The following THOC6 variants were observed in gnomAD, a reference collection of about 807,000 sequenced individuals.
THOC6 encodes the protein THO complex subunit 6.
THOC6 carries 39 observed loss-of-function variants against 55.8 expected under a neutral mutation model. The ratio of observed to expected loss-of-function variants is 0.70; its 90% CI spans 0.54 to 0.91. THOC6 has a LOEUF of 0.91. Ranked by LOEUF, THOC6 falls within the 40% of genes least tolerant of loss-of-function variation. The pLI is 0.00. For synonymous variants in THOC6, 192 were observed against 175.6 expected, an observed-to-expected ratio of 1.09 and a Z score of -0.74; for missense variants, 482 against 442.0, an observed-to-expected ratio of 1.09 and a Z score of -0.81.
rs1433657714 is a variant in THOC6, at chr16:3,024,252, GGAACCGCTCTAGGCAC to G, written c.-73_-58del. ...CGAAGGCGGTAGGGCGCCACGGAGA[GGAACCGCTCTAGGCAC>G]GTAAGGCCTCGTGAGGTTGCGTCGC... On this transcript the variant is annotated 5_prime_UTR_variant, in exon 1 of 13. Coordinates refer to ENST00000326266, the MANE Select transcript of THOC6 (RefSeq NM_024339.5). The G allele has an allele frequency of 1.9e-6, 3 of 1,596,030 alleles. No homozygotes were observed. Among genetic ancestry groups the G allele is most frequent in the African/African-American group, 2.7e-5 (2 of 74,578 alleles).
In THOC6 at chr16:3,026,689, G is replaced by C; in HGVS notation, c.494G>C (p.Arg165Pro). ...LETGTFTRVL[R>P]GHTDYIHCLA... is the part of the protein sequence containing the mutation. Reference sequence around the variant, plus strand: ...CCCCTCTACATGCAGAGGGTCCTCCGGGGCCACACAGACTACATCCACTGC... The same window carrying C: ...CCCCTCTACATGCAGAGGGTCCTCCCGGGCCACACAGACTACATCCACTGC... The change falls in exon 8 of 13, where the codon CGG becomes CCG. Residue 165 changes from arginine (R) to proline (P), a missense_variant. Transcript: ENST00000326266. The C allele has an allele frequency of 6.2e-7, 1 of 1,612,726 alleles. No homozygotes were observed. The highest frequency in any genetic ancestry group is 1.1e-5 in the South Asian group (1 of 90,900).
At position 3,025,793 on chromosome 16, in the gene THOC6, G is replaced by C; in HGVS notation, c.125G>C (p.Gly42Ala). The C allele has an allele frequency of 1.2e-6, 2 of 1,614,206 alleles. No individual in the cohort carries two copies. The highest frequency in any genetic ancestry group is 1.7e-6 in the Non-Finnish European group (2 of 1,180,036). The part of the protein sequence containing the change: ...VSPCGKFLAA[G>A]NNYGQIAIFS... ...CCATGTGGGAAGTTTCTGGCGGCTG[G>C]CAACAATTACGGGCAGATTGCCATC... The change falls in exon 2 of 13, where the codon GGC becomes GCC. Residue 42 changes from glycine to alanine, a missense_variant. Coordinates refer to ENST00000326266, the MANE Select transcript of THOC6 (RefSeq NM_024339.5).
intron 2 of THOC6, 30 bp downstream of exon 2, chr16:3,025,853 C>G (rs1176386717): frequency 6.2e-7 from 1 of 1,614,150 alleles, no homozygotes; most frequent in Non-Finnish European, 8.5e-7. Context: ...ACCCATTAGC[C>G]CTGGCACTTG....
intron 8 of THOC6, 42 bp downstream of exon 8, chr16:3,026,823 A>T: frequency 6.2e-7 from 1 of 1,614,118 alleles, no homozygotes; most frequent in Non-Finnish European, 8.5e-7. Context: ...GCAGTGAAGG[A>T]GGCTGAGGCA....
intron 1 of THOC6, among the ~76,000 whole-genome samples, chr16:3,024,807 G>A (rs895145794): frequency 6.7e-6 from 1 of 149,920 alleles, no homozygotes; most frequent in Non-Finnish European, 1.5e-5. Flanking sequence ...GCTAATTTTC[G>A]TGTTTTTAGT....
At position 3,025,155 on chromosome 16, in the gene THOC6, T is replaced by A. The variant is rs1452026550; in HGVS notation, c.40-553T>A. On this transcript the variant is annotated intron_variant, in intron 1 of 12. Transcript: ENST00000326266. The stretch of plus-strand genomic sequence containing the variant: ...CAGGGTTTCTCCATGTTGGTCAGGC[T>A]GGTCTTGAACTCCTGACCTCAGGTG... 3.3e-5 allele frequency among the ~76,000 whole-genome samples: 5 copies of A among 152,002 alleles called. No homozygotes were observed. The East Asian group carries it at 5.8e-4, about 18-fold the overall frequency.
Position 3,026,581 on chromosome 16 carries a change from T to G in THOC6, c.477T>G (p.Thr159=). ...QLHTMDLETG[T]FTRVLRGHTD... ...ACACTATGGACCTTGAAACTGGGAC[T>G]TTCACGGTGAGCAGGGTCCTGGAGC... The change falls in exon 7 of 13, where the codon ACT becomes ACG. Residue 159 remains threonine, a synonymous_variant. Transcript: ENST00000326266. 1 of 1,614,014 alleles carries G rather than the reference T, an allele frequency of 6.2e-7. No individual in the cohort carries two copies. The highest frequency in any genetic ancestry group is 8.5e-7 in the Non-Finnish European group (1 of 1,179,974).
intron 6 of THOC6, 24 bp from the exon 7 acceptor site, chr16:3,026,492 C>G (rs770325791): frequency 6.2e-7 from 1 of 1,613,990 alleles, no homozygotes; most frequent in African/African-American, 1.3e-5. Context: ...CATTGACTTT[C>G]TGCCTCATCC....
intron 12 of THOC6, 36 bp from the exon 13 acceptor site, chr16:3,027,541 G>C: frequency 6.2e-7 from 1 of 1,612,914 alleles, no homozygotes; most frequent in Non-Finnish European, 8.5e-7. Flanking sequence ...GGAGGCAGGG[G>C]TGTGGGCAGG....
At position 3,027,401 on chromosome 16, in the gene THOC6, G is replaced by T. The variant is rs755331520; in HGVS notation, c.846G>T (p.Gln282His). The change falls in exon 12 of 13, where the codon CAG (glutamine) becomes CAT (histidine). Residue 282 changes from glutamine to histidine, a missense_variant. Transcript: ENST00000326266. ...LSAGQGRCVN[Q>H]WQLSGELKAQ... is the part of the protein sequence containing the mutation. Reference sequence around the variant, plus strand: ...CTGGCCAGGGCCGCTGCGTCAACCAGTGGCAGCTGAGCGGGGAGCTGAAGG... The same window carrying T: ...CTGGCCAGGGCCGCTGCGTCAACCATTGGCAGCTGAGCGGGGAGCTGAAGG... 1 of 1,612,658 alleles carries T rather than the reference G, an allele frequency of 6.2e-7. No individual in the cohort carries two copies.
chr16:3,027,158 C>T lies in THOC6; in HGVS notation c.700-12C>T, dbSNP rs367766710. 50 of 1,614,092 alleles carry T rather than the reference C, an allele frequency of 3.1e-5. No homozygotes were observed. The highest frequency in any genetic ancestry group is 3.8e-5 in the Non-Finnish European group (45 of 1,180,040). On this transcript the variant is annotated splice_polypyrimidine_tract_variant and intron_variant, in intron 10 of 12. Coordinates refer to ENST00000326266, the MANE Select transcript of THOC6 (RefSeq NM_024339.5). Reference sequence around the variant, plus strand: ...GTGGTTCACAGCTGGGGACTCCCACCTTTCTGTCCAGGTCTGTGGAGGGGG... The same window carrying T: ...GTGGTTCACAGCTGGGGACTCCCACTTTTCTGTCCAGGTCTGTGGAGGGGG...
At position 3,026,851 on chromosome 16, in the gene THOC6, A is replaced by G. The variant is rs1682313932; in HGVS notation, c.587-16A>G. On this transcript the variant is annotated splice_polypyrimidine_tract_variant and intron_variant, in intron 8 of 12. Coordinates refer to ENST00000326266, the MANE Select transcript of THOC6 (RefSeq NM_024339.5). ...CTGAGGCAAGTGGGGCACCACTCAC[A>G]GTTCTTTCCCCGCAGACCTGCGCAC... 6.2e-7 allele frequency: 1 copy of G among 1,614,080 alleles called. No individual in the cohort carries two copies. Among genetic ancestry groups the G allele is most frequent in the African/African-American group, 1.3e-5 (1 of 74,932 alleles).
At chr16:3,025,655 G>A (rs2072766628) in intron 1 of THOC6, 53 bp from the exon 2 acceptor site, 2 of 1,528,116 alleles carry the variant, frequency 1.3e-6, no homozygotes, top group Non-Finnish European at 1.8e-6. Flanking sequence ...AGGAATCTGT[G>A]GATGGGAGGT....
chr16:3,024,123 C>T lies in THOC6; in HGVS notation c.-204C>T. 1.4e-6 allele frequency: 1 copy of T among 717,694 alleles called. No homozygotes were observed. The highest frequency in any genetic ancestry group is 2.3e-6 in the Non-Finnish European group (1 of 434,310). The allele number at this position is 717,694 out of a possible 1,614,324, so 44.5% of individuals were successfully genotyped here. A position where few individuals can be genotyped will look rare whatever the true frequency, so the allele number is the denominator to read the frequency against. Reference sequence around the variant, plus strand: ...CCTCGGGGTGGGGGAGGGTATCCGGCTTAAGGGGGCTGCGGTGGACACCAC... The same window carrying T: ...CCTCGGGGTGGGGGAGGGTATCCGGTTTAAGGGGGCTGCGGTGGACACCAC... On this transcript the variant is annotated 5_prime_UTR_variant, in exon 1 of 13. Transcript: ENST00000326266.
Position 3,027,275 on chromosome 16 carries a change from G to T in THOC6, c.805G>T (p.Asp269Tyr). The T allele has an allele frequency of 6.2e-7, 1 of 1,614,172 alleles. No individual in the cohort carries two copies. Among genetic ancestry groups the T allele is most frequent in the Non-Finnish European group, 8.5e-7 (1 of 1,180,044 alleles). ...APQKHVTFYQ[D>Y]LILSAGQGRC... Reference sequence around the variant, plus strand: ...ACAGAAGCACGTCACCTTCTACCAGGACCTGGTGAGGCCCTGTGTCTCACT... The same window carrying T: ...ACAGAAGCACGTCACCTTCTACCAGTACCTGGTGAGGCCCTGTGTCTCACT... Residue 269 changes from aspartate to tyrosine, a missense_variant, in exon 11 of 13, where the codon GAC (aspartate) becomes TAC (tyrosine). Transcript: ENST00000326266.
chr16:3,024,099 C>T lies in THOC6; in HGVS notation c.-228C>T, dbSNP rs2072711029. The T allele has an allele frequency of 4.1e-6, 3 of 731,326 alleles. No homozygotes were observed. Among genetic ancestry groups the T allele is most frequent in the Admixed American group, 2.7e-5 (1 of 36,410 alleles). 45.3% of individuals were successfully genotyped at this position (731,326 alleles called of 1,614,324 possible). On this transcript the variant is annotated 5_prime_UTR_variant, in exon 1 of 13. Coordinates refer to ENST00000326266, the MANE Select transcript of THOC6 (RefSeq NM_024339.5). ...CGCGTGGCGGAAGGCAGGCTTGCTC[C>T]TCGGGGTGGGGGAGGGTATCCGGCT...
chr16:3,024,070 G>T lies in THOC6; in HGVS notation c.-257G>T. 1 of 807,658 alleles carries T rather than the reference G, an allele frequency of 1.2e-6. No individual in the cohort carries two copies. The highest frequency in any genetic ancestry group is 2.7e-5 in the East Asian group (1 of 37,340). The allele number at this position is 807,658 out of a possible 1,614,324, so 50.0% of individuals were successfully genotyped here. On this transcript the variant is annotated 5_prime_UTR_variant, in exon 1 of 13. Transcript: ENST00000326266. ...GGTTCTGCGCGGGCGCGGAAGACGG[G>T]CGGCGCGTGGCGGAAGGCAGGCTTG...
rs1448327940 is a variant in THOC6 at position 3,027,088 on chromosome 16, CTG to C, written c.699+18_699+19del. 5 of 1,614,178 alleles carry C rather than the reference CTG, an allele frequency of 3.1e-6. No homozygotes were observed. In the East Asian group the frequency reaches 8.9e-5, roughly 29 times the overall value. On this transcript the variant is annotated intron_variant, in intron 10 of 12. Coordinates refer to ENST00000326266, the MANE Select transcript of THOC6 (RefSeq NM_024339.5). ...CCGACTGGATGGTGAGCTGGGCAGA[CTG>C]TGGGATGGGATGGCAGCTCCGGGCC... is the stretch of plus-strand genomic sequence containing the variant.
At position 3,026,935 on chromosome 16, in the gene THOC6, C is replaced by G; in HGVS notation, c.636+19C>G. 1 of 1,614,196 alleles carries G rather than the reference C, an allele frequency of 6.2e-7. No homozygotes were observed. Among genetic ancestry groups the G allele is most frequent in the Non-Finnish European group, 8.5e-7 (1 of 1,180,024 alleles). ...GCACGAGGTGAGGGTGTGACCGTGG[C>G]CATTGTCCTCTTCTCCCCCAACTCC... On this transcript the variant is annotated intron_variant, in intron 9 of 12. Transcript: ENST00000326266.
Sources: allele counts gnomAD v4.1 joint callset (sites outside exome capture counted in the v4.1 genomes callset), GRCh38; gene constraint gnomAD v4.1.1; transcripts MANE v1.5; gene names NCBI Gene and HGNC (gene_info 2026-07-23, HGNC 2026-07-21).